The following RAB2A variants were observed in gnomAD, a reference collection of about 807,000 sequenced individuals.
The protein encoded by RAB2A is RAB2A, member RAS oncogene family.
RAB2A carries 7 observed loss-of-function variants against 32.5 expected under a neutral mutation model. That is an observed-to-expected ratio of 0.22 (90% CI 0.12 to 0.40). RAB2A has a LOEUF of 0.40. Among genes scored for constraint, RAB2A ranks in the 10% least tolerant of loss-of-function variants. The pLI is 1.00. For synonymous variants in RAB2A, 79 were observed against 85.2 expected, an observed-to-expected ratio of 0.93 and a Z score of 0.40; for missense variants, 108 against 260.7, an observed-to-expected ratio of 0.41 and a Z score of 4.03.
intron 7 of RAB2A, 107 bp downstream of exon 7, chr8:60,618,755 C>T (rs1485260339): frequency 1.3e-5 from 5 of 388,474 alleles, no homozygotes; most frequent in Non-Finnish European, 1.9e-5. Flanking sequence ...TTTTTTAATT[C>T]CTAAAATCAA....
chr8:60,518,596 CAAAAAAAAAAAAAAAA>C (rs59503766), intron 1 of RAB2A, among the ~76,000 whole-genome samples: 1 of 45,518 alleles, frequency 2.2e-5, no homozygotes, highest in Non-Finnish European at 4.8e-5. Context: ...GTGGAGTTTG[CAAAAAAAAAAAAAAAA>C]AAAAAAAAAA....
intron 6 of RAB2A, among the ~76,000 whole-genome samples, chr8:60,612,513 A>G (rs1043847636): frequency 3.3e-5 from 5 of 152,224 alleles, no homozygotes; most frequent in Non-Finnish European, 7.3e-5. Flanking sequence ...TAGGAAGTAT[A>G]TGCTTTTTAT....
chr8:60,572,734 T>G (rs187637303), intron 3 of RAB2A, among the ~76,000 whole-genome samples: 1 of 152,312 alleles, frequency 6.6e-6, no homozygotes, highest in Non-Finnish European at 1.5e-5. Context: ...CAAACCATTT[T>G]GTTTCAGAAC....
chr8:60,569,937 G>C (rs934732038), intron 2 of RAB2A: 23 of 455,890 alleles, frequency 5.0e-5, no homozygotes, highest in Non-Finnish European at 9.3e-5. Context: ...TTGGAAACTT[G>C]GTCTTGGAAT....
chr8:60,547,679 C>T (rs1240054183), intron 1 of RAB2A, among the ~76,000 whole-genome samples: 14 of 121,812 alleles, frequency 1.1e-4, no homozygotes, highest in East Asian at 5.8e-4. Context: ...CCCTCCCGGA[C>T]GGGGCGGCTG....
chr8:60,538,585 G>A (rs1443725927), intron 1 of RAB2A, among the ~76,000 whole-genome samples: 6 of 152,188 alleles, frequency 3.9e-5, no homozygotes, highest in Non-Finnish European at 2.9e-5. Flanking sequence ...TCATTGGAGG[G>A]GCATGGCTGA....
chr8:60,564,857 G>A (rs1808080281), intron 2 of RAB2A, among the ~76,000 whole-genome samples: 1 of 152,172 alleles, frequency 6.6e-6, no homozygotes, highest in Non-Finnish European at 1.5e-5. Context: ...ACATACTAGG[G>A]ACTTTAAAAA....
intron 2 of RAB2A, among the ~76,000 whole-genome samples, chr8:60,565,930 G>C (rs895477051): frequency 9.2e-5 from 14 of 151,968 alleles, no homozygotes; most frequent in African/African-American, 2.9e-4. Context: ...AGCCAGGATG[G>C]TCTCGATCTC....
At chr8:60,542,237 T>A (rs938424827) in intron 1 of RAB2A, among the ~76,000 whole-genome samples, 1 of 152,152 alleles carries the variant, frequency 6.6e-6, no homozygotes, top group Non-Finnish European at 1.5e-5. Flanking sequence ...CTGAATAGGC[T>A]GGGTGCAGTG....
chr8:60,563,371 G>A (rs960550372), intron 2 of RAB2A, among the ~76,000 whole-genome samples: 5 of 152,200 alleles, frequency 3.3e-5, no homozygotes, highest in Non-Finnish European at 7.3e-5. Context: ...TGGACCAGCA[G>A]CAGCATCAGT....
At chr8:60,518,131 T>C (rs999879167) in intron 1 of RAB2A, among the ~76,000 whole-genome samples, 2 of 152,178 alleles carry the variant, frequency 1.3e-5, no homozygotes, top group African/African-American at 4.8e-5. Context: ...TCCTAGTATA[T>C]TTCACAGAAA....
chr8:60,575,940 C>G (rs1803610282), intron 3 of RAB2A, among the ~76,000 whole-genome samples: 1 of 152,108 alleles, frequency 6.6e-6, no homozygotes, highest in South Asian at 2.1e-4. Flanking sequence ...TAGGTGTGAG[C>G]CACTGCACCT....
intron 6 of RAB2A, among the ~76,000 whole-genome samples, chr8:60,599,805 T>C (rs1448812825): frequency 6.6e-6 from 1 of 150,564 alleles, no homozygotes; most frequent in Non-Finnish European, 1.5e-5. Context: ...TATGAACATA[T>C]TTATCTTTTA....
chr8:60,526,509 A>G (rs1460043538), intron 1 of RAB2A, among the ~76,000 whole-genome samples: 2 of 152,194 alleles, frequency 1.3e-5, no homozygotes, highest in African/African-American at 2.4e-5. Context: ...AATACATGCT[A>G]ATCTCCCCAT....
chr8:60,543,524 C>G (rs1455682798), intron 1 of RAB2A, among the ~76,000 whole-genome samples: 2 of 152,138 alleles, frequency 1.3e-5, no homozygotes, highest in Non-Finnish European at 2.9e-5. Context: ...TAGGCCCCAC[C>G]CTAAATCCAG....
At chr8:60,606,515 A>C (rs1428880224) in intron 6 of RAB2A, among the ~76,000 whole-genome samples, 3 of 152,188 alleles carry the variant, frequency 2.0e-5, no homozygotes, top group Non-Finnish European at 4.4e-5. Context: ...CACCCAAGAC[A>C]ACACTTTGAA....
chr8:60,569,772 C>A, intron 2 of RAB2A, among the ~76,000 whole-genome samples: 1 of 152,300 alleles, frequency 6.6e-6, no homozygotes, highest in South Asian at 2.1e-4. Context: ...CTCAGCCTCT[C>A]GAATTGTGGG....
At chr8:60,537,469 C>T (rs926336989) in intron 1 of RAB2A, among the ~76,000 whole-genome samples, 1 of 152,098 alleles carries the variant, frequency 6.6e-6, no homozygotes, top group Non-Finnish European at 1.5e-5. Context: ...GTAATCCACC[C>T]GCCTCGACCT....
intron 2 of RAB2A, chr8:60,569,960 A>G (rs1250416069): frequency 2.2e-6 from 1 of 456,146 alleles, no homozygotes; most frequent in Non-Finnish European, 4.4e-6. Context: ...GGCAGGAACA[A>G]AGCATCTTGG....
Sources: allele counts gnomAD v4.1 joint callset (sites outside exome capture counted in the v4.1 genomes callset), GRCh38; gene constraint gnomAD v4.1.1; transcripts MANE v1.5; gene names NCBI Gene and HGNC (gene_info 2026-07-23, HGNC 2026-07-21).